The following MARK2 variants were observed in gnomAD, a reference collection of about 807,000 sequenced individuals.
MARK2 encodes serine/threonine-protein kinase MARK2.
MARK2 carries 16 observed loss-of-function variants against 89.8 expected under a neutral mutation model. That is an observed-to-expected ratio of 0.18 (90% CI 0.12 to 0.27). The LOEUF is 0.27. Among genes scored for constraint, MARK2 ranks in the 10% least tolerant of loss-of-function variants. MARK2 has a pLI of 1.00. For missense variants in MARK2, 621 were observed against 1,049.9 expected, an observed-to-expected ratio of 0.59 and a Z score of 5.65; for synonymous variants, 382 against 399.5, an observed-to-expected ratio of 0.96 and a Z score of 0.52.
At position 63,910,898 on chromosome 11, in the gene MARK2, G is replaced by C. The variant is rs569154793; in HGVS notation, c.*1661G>C. 3.9e-5 allele frequency: 6 copies of C among 152,242 alleles called. No individual in the cohort carries two copies. Among genetic ancestry groups the C allele is most frequent in the African/African-American group, 1.4e-4 (6 of 41,446 alleles). 9.4% of individuals were successfully genotyped at this position (152,242 alleles called of 1,614,324 possible). On this transcript the variant is annotated 3_prime_UTR_variant, in exon 19 of 19. Coordinates refer to ENST00000402010, the MANE Select transcript of MARK2 (RefSeq NM_001039469.3). ...GGAGGGCATGGCTTGGCTCCCAAAG[G>C]GGGTAGGGGCCCGGGGCACCCAGGC...
chr11:63,895,357 G>T lies in MARK2; in HGVS notation c.234+19G>T, dbSNP rs750108131. The T allele has an allele frequency of 7.5e-6, 12 of 1,608,954 alleles. No homozygotes were observed. ...GAAAGAGGTGAGCACTGGGACTGGGGACATGGCAGCACCTCCCAGCCCTGT... is the reference window on the plus strand; with the variant it reads ...GAAAGAGGTGAGCACTGGGACTGGGTACATGGCAGCACCTCCCAGCCCTGT... On this transcript the variant is annotated intron_variant, in intron 2 of 18. Transcript: ENST00000402010.
chr11:63,845,378 G>C (rs2016228252), intron 1 of MARK2, among the ~76,000 whole-genome samples: 1 of 152,206 alleles, frequency 6.6e-6, no homozygotes, highest in South Asian at 2.1e-4. Context: ...TCCTCCTTCA[G>C]TGGAAGTTCA....
Position 63,839,127 on chromosome 11 carries a change from T to G in MARK2, c.-380T>G. ...CGAGGGCCGGCGGTGGTGGCGGCCATGTTGGGAGCAGCAGGTCCGGCGGCG... is the reference window on the plus strand; with the variant it reads ...CGAGGGCCGGCGGTGGTGGCGGCCAGGTTGGGAGCAGCAGGTCCGGCGGCG... On this transcript the variant is annotated 5_prime_UTR_variant, in exon 1 of 19. It removes an upstream start codon present in the reference 5' UTR. Transcript: ENST00000402010. 26 of 182,716 alleles carry G rather than the reference T, an allele frequency of 1.4e-4. No homozygotes were observed. Among genetic ancestry groups the G allele is most frequent in the East Asian group, 3.1e-4 (2 of 6,378 alleles). The allele number at this position is 182,716 out of a possible 1,614,324, so 11.3% of individuals were successfully genotyped here.
rs142621278 is a variant in MARK2, at chr11:63,902,249, A to G, written c.1153A>G (p.Asn385Asp). Residue 385 changes from asparagine to aspartate, a missense_variant, in exon 12 of 19, where the codon AAT (asparagine) becomes GAT (aspartate). Asn to Asp is a conservative substitution (Grantham distance 23, BLOSUM62 1). Coordinates refer to ENST00000402010, the MANE Select transcript of MARK2 (RefSeq NM_001039469.3). This position sits in a 1 kb window ranked among gnomAD's most constrained non-coding sequence, Gnocchi z 4.2. ...LKPRPSADLT[N>D]SSAPSPSHKV... Reference sequence around the variant, plus strand: ...ACCCCGGCCTTCAGCTGATCTGACCAATAGCAGCGCCCCATCCCCATCCCA... The same window carrying G: ...ACCCCGGCCTTCAGCTGATCTGACCGATAGCAGCGCCCCATCCCCATCCCA... The G allele has an allele frequency of 6.2e-7, 1 of 1,614,088 alleles. No individual in the cohort carries two copies. Among genetic ancestry groups the G allele is most frequent in the East Asian group, 2.2e-5 (1 of 44,880 alleles).
intron 1 of MARK2, chr11:63,890,398 C>T: frequency 1.8e-6 from 1 of 547,058 alleles, no homozygotes; most frequent in Non-Finnish European, 3.1e-6. Flanking sequence ...AGAGCAAGCA[C>T]CAGTGCTTGT....
chr11:63,864,427 T>A (rs1938012429), intron 1 of MARK2, among the ~76,000 whole-genome samples: 1 of 151,918 alleles, frequency 6.6e-6, no homozygotes, highest in Middle Eastern at 3.2e-3. Context: ...TTTTTTTTTG[T>A]ATTTTTAGTA....
intron 1 of MARK2, chr11:63,889,008 T>G: frequency 7.6e-7 from 1 of 1,308,790 alleles, no homozygotes; most frequent in Non-Finnish European, 1.0e-6. Context: ...TCCTCCTCTT[T>G]CTTTCCTCTC....
rs915161552 is a variant in MARK2 at position 63,909,305 on chromosome 11, C to T, written c.*68C>T. On this transcript the variant is annotated 3_prime_UTR_variant, in exon 19 of 19. Transcript: ENST00000402010. ...CGGGCTGCCGGCCGCTGCGCCGCCC[C>T]ACCTGGGCGAGACTGCAGCGATGGA... is the stretch of plus-strand genomic sequence containing the variant. 1.2e-5 allele frequency: 17 copies of T among 1,453,258 alleles called. No homozygotes were observed. The highest frequency in any genetic ancestry group is 1.4e-5 in the South Asian group (1 of 71,226). The allele number at this position is 1,453,258 out of a possible 1,614,324, so 90.0% of individuals were successfully genotyped here.
intron 1 of MARK2, among the ~76,000 whole-genome samples, chr11:63,858,673 A>T (rs887476431): frequency 6.6e-6 from 1 of 152,208 alleles, no homozygotes; most frequent in African/African-American, 2.4e-5. Flanking sequence ...TTAATACAAT[A>T]AATATCAGTA....
rs538384653 is a variant in MARK2, at chr11:63,866,705, GT to G, written c.54+27152del. 6.2e-3 allele frequency among the ~76,000 whole-genome samples: 946 copies of G among 152,094 alleles called. 10 individuals carry two copies. The highest frequency in any genetic ancestry group is 8.4e-3 in the Non-Finnish European group (573 of 67,962). On this transcript the variant is annotated intron_variant, in intron 1 of 18. Coordinates refer to ENST00000402010, the MANE Select transcript of MARK2 (RefSeq NM_001039469.3). ...CCTATTCCCATTCATCCTCATCTGT[GT>G]TTTTTTGTTTTTTGTTTTAATTTCA... is the stretch of plus-strand genomic sequence containing the variant.
chr11:63,904,392 CT>C lies in MARK2; in HGVS notation c.1676+250del, dbSNP rs1941154239. ...CTGTCCTAAGGCTCCAAAGGGAAACCTTTTTGTTCTGAACCTTCCAGGGTTT... is the reference window on the plus strand; with the variant it reads ...CTGTCCTAAGGCTCCAAAGGGAAACCTTTTGTTCTGAACCTTCCAGGGTTT... On this transcript the variant is annotated intron_variant, in intron 15 of 18. Coordinates refer to ENST00000402010, the MANE Select transcript of MARK2 (RefSeq NM_001039469.3). The surrounding 1 kb of genome is among the most constrained non-coding windows in gnomAD (Gnocchi z 6.3). Among the ~76,000 whole-genome samples the C allele has an allele frequency of 6.6e-6, 1 of 152,166 alleles. No homozygotes were observed. The highest frequency in any genetic ancestry group is 2.4e-5 in the African/African-American group (1 of 41,448).
intron 1 of MARK2, among the ~76,000 whole-genome samples, chr11:63,878,359 C>CTTTTTT (rs59251368): frequency 9.6e-5 from 7 of 72,744 alleles, no homozygotes; most frequent in South Asian, 5.8e-4. Context: ...TTGTTCAAGT[C>CTTTTTT]TTTTTTTTTT....
intron 1 of MARK2, among the ~76,000 whole-genome samples, chr11:63,859,265 G>A (rs1937614222): frequency 6.7e-6 from 1 of 150,028 alleles, no homozygotes; most frequent in South Asian, 2.1e-4. Flanking sequence ...GACATACTTT[G>A]TTTCTTTTTG....
intron 1 of MARK2, among the ~76,000 whole-genome samples, chr11:63,873,805 C>T (rs1938589737): frequency 6.6e-6 from 1 of 152,178 alleles, no homozygotes; most frequent in South Asian, 2.1e-4. Context: ...GCCACCACGC[C>T]CAGCTAATTT....
At chr11:63,907,361 G>A (rs984459341) in intron 17 of MARK2, among the ~76,000 whole-genome samples, 1 of 152,216 alleles carries the variant, frequency 6.6e-6, no homozygotes, top group African/African-American at 2.4e-5. Flanking sequence ...GCACAGCCGG[G>A]CTCCCTGCTC....
intron 1 of MARK2, among the ~76,000 whole-genome samples, chr11:63,863,596 C>G (rs1334554021): frequency 6.6e-6 from 1 of 151,470 alleles, no homozygotes; most frequent in African/African-American, 2.4e-5. Context: ...TGCTGATTAA[C>G]TGGGACTACA....
chr11:63,867,366 A>G (rs146618260), intron 1 of MARK2, among the ~76,000 whole-genome samples: 1 of 152,326 alleles, frequency 6.6e-6, no homozygotes, highest in Non-Finnish European at 1.5e-5. Context: ...GAACTGGTTG[A>G]ATGGGAATTA....
intron 1 of MARK2, among the ~76,000 whole-genome samples, chr11:63,840,748 A>G (rs1270681223): frequency 1.3e-5 from 2 of 152,026 alleles, no homozygotes; most frequent in African/African-American, 2.4e-5. Flanking sequence ...GCTTGGATCC[A>G]TTCTGTTCCT....
In MARK2 at chr11:63,845,310, A is replaced by T. The variant is rs545393504; in HGVS notation, c.54+5750A>T. 8.7e-4 allele frequency among the ~76,000 whole-genome samples: 132 copies of T among 152,246 alleles called. 3 individuals carry two copies. The South Asian group carries it at 0.027, about 31-fold the overall frequency. On this transcript the variant is annotated intron_variant, in intron 1 of 18. Coordinates refer to ENST00000402010, the MANE Select transcript of MARK2 (RefSeq NM_001039469.3). Reference sequence around the variant, plus strand: ...GGGCCGCCAGTTTCCCCACTTTCCCATCAAAGCAAAAATTGAGAAGGATGT... The same window carrying T: ...GGGCCGCCAGTTTCCCCACTTTCCCTTCAAAGCAAAAATTGAGAAGGATGT...
Sources: gnomAD v4.1 joint callset for allele counts (sites outside exome capture counted in the v4.1 genomes callset) on GRCh38, gnomAD v4.1.1 for gene constraint, Gnocchi (gnomAD v3.1) non-coding constraint, MANE v1.5 for transcripts, NCBI Gene and HGNC (gene_info 2026-07-23, HGNC 2026-07-21) for gene names.